Variants in CCSER1 observed in about 807,000 individuals in gnomAD.
The protein encoded by CCSER1 is coiled-coil serine rich protein 1, also known as serine-rich coiled-coil domain-containing protein 1.
Under a neutral mutation model 82.0 loss-of-function variants are expected in CCSER1, and 41 were observed. The observed-to-expected ratio is 0.50, with a 90% CI of 0.39 to 0.65. The LOEUF (loss-of-function observed/expected upper bound fraction) is 0.65, where lower values mean the gene tolerates loss of function less well. Ranked by LOEUF, CCSER1 falls within the 30% of genes least tolerant of loss-of-function variation. The pLI, the probability that CCSER1 is intolerant of heterozygous loss-of-function variation, is 0.00. For missense variants in CCSER1, 1,119 were observed against 1,064.2 expected (o/e 1.05, Z -0.72); for synonymous variants, 414 against 383.9 (o/e 1.08, Z -0.92).
At chr4:90,401,114 T>C (rs1578282878) in intron 4 of CCSER1, among the ~76,000 whole-genome samples, 1 of 152,316 alleles carries the variant, frequency 6.6e-6, no homozygotes, top group East Asian at 1.9e-4. Flanking sequence ...AATAACAATG[T>C]TGATATTTTC....
chr4:91,276,737 A>G (rs1467788336), intron 10 of CCSER1, among the ~76,000 whole-genome samples: 1 of 152,070 alleles, frequency 6.6e-6, no homozygotes, highest in Non-Finnish European at 1.5e-5. Flanking sequence ...GTTCTTAGAG[A>G]AAAGATTTTC....
chr4:91,402,666 T>G (rs913354273), intron 10 of CCSER1, among the ~76,000 whole-genome samples: 5 of 152,092 alleles, frequency 3.3e-5, no homozygotes, highest in Non-Finnish European at 7.4e-5. Context: ...TTTCCCCATT[T>G]CTTGTTTTTC....
rs562409872 is a variant in CCSER1, at chr4:91,056,277, T to G, written c.2173-29673T>G. Among the ~76,000 whole-genome samples the G allele has an allele frequency of 1.5e-4, 23 of 152,130 alleles. No homozygotes were observed. The South Asian group carries it at 4.6e-3, about 30-fold the overall frequency. ...TATCTTAGTCCATTTTGTGATTCTA[T>G]GACAGAATACCTGAGACTGGGTAAT... On this transcript the variant is annotated intron_variant, in intron 9 of 10. Transcript: ENST00000509176.
intron 10 of CCSER1, among the ~76,000 whole-genome samples, chr4:91,437,721 C>T (rs1053092361): frequency 6.6e-6 from 1 of 152,208 alleles, no homozygotes; most frequent in Non-Finnish European, 1.5e-5. Context: ...AGTTCCCTTC[C>T]CTAGTCAAAG....
intron 10 of CCSER1, among the ~76,000 whole-genome samples, chr4:91,128,374 A>G (rs184097149): frequency 3.9e-5 from 6 of 152,180 alleles, no homozygotes; most frequent in African/African-American, 1.4e-4. Context: ...CACAGTTTTC[A>G]AAGACAGATA....
At chr4:91,115,928 C>T (rs1007971720) in intron 10 of CCSER1, among the ~76,000 whole-genome samples, 1 of 142,556 alleles carries the variant, frequency 7.0e-6, no homozygotes, top group African/African-American at 2.6e-5. Flanking sequence ...CATATGTATA[C>T]ATGTGCCATC....
intron 1 of CCSER1, among the ~76,000 whole-genome samples, chr4:90,246,904 T>C (rs1479529226): frequency 6.6e-6 from 1 of 152,122 alleles, no homozygotes; most frequent in African/African-American, 2.4e-5. Flanking sequence ...CTTTCACCTT[T>C]TCACTTAAAG....
chr4:90,647,976 A>G (rs1727896185), intron 6 of CCSER1, among the ~76,000 whole-genome samples: 1 of 152,120 alleles, frequency 6.6e-6, no homozygotes, highest in Non-Finnish European at 1.5e-5. Flanking sequence ...AGAGGAAAAC[A>G]TGTTTAAAAT....
chr4:90,709,443 C>G (rs898398426), intron 6 of CCSER1, among the ~76,000 whole-genome samples: 9 of 152,010 alleles, frequency 5.9e-5, no homozygotes, highest in Non-Finnish European at 1.0e-4. Context: ...CGCTCAAACC[C>G]CCTCCAACAG....
At chr4:91,329,810 TTTACTCCTTGCTAGAG>T (rs545170168) in intron 10 of CCSER1, among the ~76,000 whole-genome samples, 73 of 152,216 alleles carry the variant, frequency 4.8e-4, no homozygotes, top group African/African-American at 1.5e-3. Context: ...TTTGTATTTT[TTTACTCCTTGCTAGAG>T]TTATAATCAT....
intron 8 of CCSER1, among the ~76,000 whole-genome samples, chr4:90,900,324 A>G (rs1310048733): frequency 2.0e-5 from 3 of 151,614 alleles, no homozygotes; most frequent in Non-Finnish European, 4.4e-5. Flanking sequence ...CACTTTTGTC[A>G]TTTCTGATGA....
chr4:91,522,078 C>G (rs952459233), intron 10 of CCSER1, among the ~76,000 whole-genome samples: 2 of 152,152 alleles, frequency 1.3e-5, no homozygotes, highest in African/African-American at 4.8e-5. Flanking sequence ...GGAAGGGATC[C>G]AGTTTCAGCT....
At chr4:90,414,699 T>C (rs953759525) in intron 4 of CCSER1, among the ~76,000 whole-genome samples, 3 of 151,958 alleles carry the variant, frequency 2.0e-5, no homozygotes, top group Non-Finnish European at 4.4e-5. Context: ...CATATTTTTT[T>C]AAAAAGGGGT....
chr4:90,417,007 G>A (rs1024218046), intron 4 of CCSER1, among the ~76,000 whole-genome samples: 2 of 152,084 alleles, frequency 1.3e-5, no homozygotes, highest in South Asian at 2.1e-4. Context: ...ATGAGAACAC[G>A]TGGACACACG....
intron 8 of CCSER1, among the ~76,000 whole-genome samples, chr4:90,818,125 G>C (rs1463840577): frequency 6.6e-6 from 1 of 152,026 alleles, no homozygotes; most frequent in Admixed American, 6.6e-5. Flanking sequence ...ATTGTACCAA[G>C]AAAGGCTTTA....
At chr4:90,187,587 T>C (rs1734852844) in intron 1 of CCSER1, among the ~76,000 whole-genome samples, 1 of 151,960 alleles carries the variant, frequency 6.6e-6, no homozygotes, top group South Asian at 2.1e-4. Flanking sequence ...GAATGCTTTC[T>C]AAACTTGGCT....
intron 10 of CCSER1, among the ~76,000 whole-genome samples, chr4:91,249,333 T>C (rs1396240169): frequency 6.6e-6 from 1 of 152,128 alleles, no homozygotes; most frequent in Admixed American, 6.5e-5. Flanking sequence ...TAAGTTTACT[T>C]ACTAAGAAGG....
chr4:90,396,455 A>C (rs1387237255), intron 3 of CCSER1, among the ~76,000 whole-genome samples: 1 of 152,206 alleles, frequency 6.6e-6, no homozygotes, highest in African/African-American at 2.4e-5. Context: ...TATAAACATA[A>C]GTATAATAAG....
rs908713578 is a variant in CCSER1 at position 90,339,624 on chromosome 4, T to C, written c.1509+26577T>C. Among the ~76,000 whole-genome samples the C allele has an allele frequency of 4.6e-5, 7 of 152,128 alleles. No individual in the cohort carries two copies. The South Asian group carries it at 6.2e-4, about 14-fold the overall frequency. ...CCCAGTGTCTTTGCACTTGTAATTCTTGCTGCTTGGAACACCCTTCCTCCA... is the reference window on the plus strand; with the variant it reads ...CCCAGTGTCTTTGCACTTGTAATTCCTGCTGCTTGGAACACCCTTCCTCCA... On this transcript the variant is annotated intron_variant, in intron 3 of 10. Coordinates refer to ENST00000509176, the MANE Select transcript of CCSER1 (RefSeq NM_001145065.2).
Sources: gnomAD v4.1 joint callset for allele counts (sites outside exome capture counted in the v4.1 genomes callset) on GRCh38, gnomAD v4.1.1 for gene constraint, MANE v1.5 for transcripts, NCBI Gene and HGNC (gene_info 2026-07-23, HGNC 2026-07-21) for gene names.